PDZRN4: variants seen among roughly 807,000 people sequenced by gnomAD.
PDZRN4 encodes the protein PDZ domain containing ring finger 4, also known as PDZ domain-containing RING finger protein 4.
Under a neutral mutation model 99.0 loss-of-function variants are expected in PDZRN4, and 70 were observed. The ratio of observed to expected loss-of-function variants is 0.71; its 90% CI spans 0.58 to 0.86. PDZRN4 has a LOEUF of 0.86. PDZRN4 is among the 40% of genes least tolerant of loss of function. PDZRN4 has a pLI of 0.00. For missense variants in PDZRN4, 1,474 were observed against 1,331.2 expected, an observed-to-expected ratio of 1.11 and a Z score of -1.67; for synonymous variants, 551 against 501.6, an observed-to-expected ratio of 1.10 and a Z score of -1.32.
chr12:41,561,446 G>A lies in PDZRN4; in HGVS notation c.1366-2102G>A, dbSNP rs531472234. Reference sequence around the variant, plus strand: ...TGTAATCCTTATAAAGACCCTCTGAGAAAGGCACTATTATTATATGCATTT... The same window carrying A: ...TGTAATCCTTATAAAGACCCTCTGAAAAAGGCACTATTATTATATGCATTT... On this transcript the variant is annotated intron_variant, in intron 7 of 9. Coordinates refer to ENST00000402685, the MANE Select transcript of PDZRN4 (RefSeq NM_001164595.2). Among the ~76,000 whole-genome samples, 3 of 151,704 alleles carry A rather than the reference G, an allele frequency of 2.0e-5. No homozygotes were observed. In the South Asian group the frequency reaches 6.2e-4, roughly 32 times the overall value.
chr12:41,570,563 A>G (rs1179915131), intron 9 of PDZRN4, among the ~76,000 whole-genome samples: 2 of 152,172 alleles, frequency 1.3e-5, no homozygotes, highest in Non-Finnish European at 2.9e-5. Context: ...ATTTGTCATT[A>G]TTATGTCATC....
At chr12:41,331,500 T>C (rs1951740858) in intron 3 of PDZRN4, among the ~76,000 whole-genome samples, 2 of 152,062 alleles carry the variant, frequency 1.3e-5, no homozygotes, top group East Asian at 3.9e-4. Flanking sequence ...TTTACATTTC[T>C]TAAATGTGAA....
Position 41,573,437 on chromosome 12 carries a change from G to A in PDZRN4, c.2658G>A (p.Lys886=), listed in dbSNP as rs1383519759. 3.1e-6 allele frequency: 5 copies of A among 1,613,810 alleles called. No homozygotes were observed. The South Asian group carries it at 5.5e-5, about 18-fold the overall frequency. ...AGTCTCAGAAGTGTTCAGAGCCCAA[G>A]ATGGAATGGAAGGTGAAAATTAGGA... ...CKESQKCSEP[K]MEWKVKIRSD... Residue 886 remains lysine, a synonymous_variant, in exon 10 of 10, where the codon AAG becomes AAA. Coordinates refer to ENST00000402685, the MANE Select transcript of PDZRN4 (RefSeq NM_001164595.2).
At chr12:41,219,104 A>G (rs897623521) in intron 3 of PDZRN4, among the ~76,000 whole-genome samples, 1 of 152,070 alleles carries the variant, frequency 6.6e-6, no homozygotes, top group African/African-American at 2.4e-5. Context: ...ATACATTTAG[A>G]GAGGGTACCT....
intron 3 of PDZRN4, among the ~76,000 whole-genome samples, chr12:41,414,601 T>G (rs1437176787): frequency 2.0e-5 from 3 of 152,018 alleles, no homozygotes; most frequent in African/African-American, 2.4e-5. Context: ...AAGACGGATG[T>G]CTTCCAATAA....
intron 3 of PDZRN4, among the ~76,000 whole-genome samples, chr12:41,229,131 T>C (rs957689618): frequency 3.5e-4 from 53 of 151,342 alleles, no homozygotes; most frequent in Non-Finnish European, 6.1e-4. Context: ...ATCTAATGTT[T>C]ACACTGATAA....
At chr12:41,342,807 A>C (rs538760232) in intron 3 of PDZRN4, among the ~76,000 whole-genome samples, 308 of 152,024 alleles carry the variant, frequency 2.0e-3, no homozygotes, top group Non-Finnish European at 2.9e-3. Context: ...GAGTTTTCTC[A>C]AAAAATTATA....
chr12:41,527,812 G>A (rs1938595473), intron 5 of PDZRN4, among the ~76,000 whole-genome samples: 1 of 152,174 alleles, frequency 6.6e-6, no homozygotes, highest in Non-Finnish European at 1.5e-5. Context: ...CGGCACAGCT[G>A]CCAGCATTTG....
chr12:41,455,156 AT>A lies in PDZRN4; in HGVS notation c.844-51294del, dbSNP rs563059988. ...TAACATTTAAAAATTCTCTCTATGG[AT>A]TTTTTAGGGGGATGAATTTTGTTTA... On this transcript the variant is annotated intron_variant, in intron 3 of 9. Transcript: ENST00000402685. 4.9e-4 allele frequency among the ~76,000 whole-genome samples: 75 copies of A among 152,278 alleles called. No homozygotes were observed. In the South Asian group the frequency reaches 5.4e-3, roughly 11 times the overall value.
intron 1 of PDZRN4, among the ~76,000 whole-genome samples, chr12:41,191,212 A>G (rs985375553): frequency 6.6e-6 from 1 of 152,220 alleles, no homozygotes; most frequent in Non-Finnish European, 1.5e-5. Flanking sequence ...CAAAATGCAA[A>G]GCCATTTAGT....
At chr12:41,218,485 G>T (rs894991702) in intron 3 of PDZRN4, among the ~76,000 whole-genome samples, 1 of 151,062 alleles carries the variant, frequency 6.6e-6, no homozygotes, top group African/African-American at 2.5e-5. Flanking sequence ...TCATATTCTT[G>T]TGCTTTTGTT....
At chr12:41,292,273 A>G (rs1184925719) in intron 3 of PDZRN4, among the ~76,000 whole-genome samples, 1 of 152,170 alleles carries the variant, frequency 6.6e-6, no homozygotes, top group African/African-American at 2.4e-5. Flanking sequence ...AGGCTCAAAA[A>G]TCTTTATGAA....
At chr12:41,456,048 C>A (rs1267137721) in intron 3 of PDZRN4, among the ~76,000 whole-genome samples, 4 of 152,218 alleles carry the variant, frequency 2.6e-5, no homozygotes, top group South Asian at 2.1e-4. Flanking sequence ...CACCAACCTT[C>A]TGGATTTATT....
chr12:41,297,667 C>T (rs1298781608), intron 3 of PDZRN4, among the ~76,000 whole-genome samples: 1 of 152,146 alleles, frequency 6.6e-6, no homozygotes, highest in Non-Finnish European at 1.5e-5. Context: ...TAAAATATTC[C>T]TCTTCAGTGG....
intron 3 of PDZRN4, among the ~76,000 whole-genome samples, chr12:41,311,929 GA>G (rs1291692999): frequency 6.6e-6 from 1 of 152,024 alleles, no homozygotes; most frequent in Non-Finnish European, 1.5e-5. Flanking sequence ...TATCTGACTT[GA>G]AAAAAACTTT....
At chr12:41,209,062 T>G (rs1950869340) in intron 3 of PDZRN4, among the ~76,000 whole-genome samples, 1 of 151,926 alleles carries the variant, frequency 6.6e-6, no homozygotes, top group Non-Finnish European at 1.5e-5. Flanking sequence ...TTCTCTTTCT[T>G]TGCCCTGTTT....
chr12:41,303,627 A>C lies in PDZRN4; in HGVS notation c.843+109439A>C, dbSNP rs533556460. On this transcript the variant is annotated intron_variant, in intron 3 of 9. Transcript: ENST00000402685. ...TTAAATGTTGGAGGAGCTATGTCTG[A>C]TTTGTCATCATCTTGCTTACTTGAA... Among the ~76,000 whole-genome samples the C allele has an allele frequency of 5.3e-5, 8 of 152,284 alleles. No homozygotes were observed. In the South Asian group the frequency reaches 1.7e-3, roughly 32 times the overall value.
chr12:41,525,867 C>T (rs1938559503), intron 5 of PDZRN4, among the ~76,000 whole-genome samples: 2 of 152,012 alleles, frequency 1.3e-5, no homozygotes, highest in Non-Finnish European at 2.9e-5. Flanking sequence ...CAAATTAAGC[C>T]CATTTGTATA....
rs190348779 is a variant in PDZRN4, at chr12:41,330,920, G to T, written c.843+136732G>T. ...TGCCTTTAGCTCATATCATTAAAAGGTTTTCAGTATCCAGCTTTAAATTAT... is the reference window on the plus strand; with the variant it reads ...TGCCTTTAGCTCATATCATTAAAAGTTTTTCAGTATCCAGCTTTAAATTAT... On this transcript the variant is annotated intron_variant, in intron 3 of 9. Coordinates refer to ENST00000402685, the MANE Select transcript of PDZRN4 (RefSeq NM_001164595.2). 8.5e-3 allele frequency among the ~76,000 whole-genome samples: 1,294 copies of T among 152,102 alleles called. 12 individuals carry two copies. The highest frequency in any genetic ancestry group is 0.034 in the Middle Eastern group (10 of 294).
Sources: gnomAD v4.1 joint callset for allele counts (sites outside exome capture counted in the v4.1 genomes callset) on GRCh38, gnomAD v4.1.1 for gene constraint, MANE v1.5 for transcripts, NCBI Gene and HGNC (gene_info 2026-07-23, HGNC 2026-07-21) for gene names.